Variants in NDST4 observed in about 807,000 individuals in gnomAD.
NDST4 encodes N-heparan sulfate sulfotransferase 4.
Under a neutral mutation model 100.8 loss-of-function variants are expected in NDST4, and 63 were observed. That is an observed-to-expected ratio of 0.62 (90% confidence interval 0.51 to 0.77). NDST4 has a LOEUF of 0.77. NDST4 is among the 30% of genes least tolerant of loss of function. The pLI is 0.00. For synonymous variants in NDST4, 377 were observed against 361.8 expected, an observed-to-expected ratio of 1.04 and a Z score of -0.48; for missense variants, 943 against 1,018.4, an observed-to-expected ratio of 0.93 and a Z score of 1.01.
At chr4:114,985,338 C>T (rs1726876276) in intron 2 of NDST4, among the ~76,000 whole-genome samples, 1 of 152,130 alleles carries the variant, frequency 6.6e-6, no homozygotes, top group South Asian at 2.1e-4. Context: ...TCTCTTTGGG[C>T]ACTCTTCCCT....
intron 8 of NDST4, among the ~76,000 whole-genome samples, 157 bp from the exon 9 acceptor site, chr4:114,848,495 A>C (rs1427474972): frequency 2.6e-5 from 4 of 152,252 alleles, no homozygotes. Context: ...ATGCAGCCAC[A>C]ATCTAAGTGT....
intron 2 of NDST4, among the ~76,000 whole-genome samples, chr4:115,020,146 G>A (rs554482890): frequency 2.6e-5 from 4 of 152,194 alleles, no homozygotes; most frequent in South Asian, 2.1e-4. Flanking sequence ...CAATTCTGGC[G>A]ATGGCTCAGA....
intron 2 of NDST4, among the ~76,000 whole-genome samples, chr4:114,979,291 A>C (rs1341970347): frequency 1.3e-5 from 2 of 151,362 alleles, no homozygotes; most frequent in East Asian, 4.0e-4. Flanking sequence ...AACTTGCATT[A>C]TTTTTGACTT....
chr4:114,831,403 G>A (rs781317850), intron 12 of NDST4, among the ~76,000 whole-genome samples: 2 of 152,144 alleles, frequency 1.3e-5, no homozygotes, highest in Admixed American at 6.5e-5. Context: ...CCTTTCTCCT[G>A]TTTTCATTAA....
At chr4:114,865,734 G>C (rs1724013854) in intron 7 of NDST4, among the ~76,000 whole-genome samples, 1 of 152,096 alleles carries the variant, frequency 6.6e-6, no homozygotes, top group African/African-American at 2.4e-5. Context: ...TGGTTTGTGT[G>C]GGGAATTTGA....
chr4:114,837,961 T>A (rs1307888944), intron 11 of NDST4, among the ~76,000 whole-genome samples: 5 of 152,086 alleles, frequency 3.3e-5, no homozygotes, highest in Non-Finnish European at 7.4e-5. Context: ...TACAAGGAAC[T>A]TAAACAAATT....
intron 6 of NDST4, among the ~76,000 whole-genome samples, chr4:114,893,393 C>T (rs962439744): frequency 5.9e-5 from 9 of 152,166 alleles, no homozygotes; most frequent in Admixed American, 5.9e-4. Context: ...TCTCCAAAGC[C>T]TTGCCAGTGT....
intron 6 of NDST4, among the ~76,000 whole-genome samples, chr4:114,933,253 G>A (rs1460762097): frequency 6.6e-6 from 1 of 151,966 alleles, no homozygotes. Flanking sequence ...CAGGTGTTGG[G>A]AAAACTGAAT....
chr4:114,985,419 G>C (rs1726877994), intron 2 of NDST4, among the ~76,000 whole-genome samples: 1 of 152,172 alleles, frequency 6.6e-6, no homozygotes, highest in Admixed American at 6.5e-5. Context: ...ACTCAGGATA[G>C]AGTGGAGAAT....
At chr4:114,932,985 T>C (rs1725545525) in intron 6 of NDST4, among the ~76,000 whole-genome samples, 1 of 152,122 alleles carries the variant, frequency 6.6e-6, no homozygotes, top group Admixed American at 6.5e-5. Context: ...AAAATTTCTA[T>C]GGATTCACAA....
At chr4:114,986,132 A>G (rs1726895819) in intron 2 of NDST4, among the ~76,000 whole-genome samples, 1 of 152,238 alleles carries the variant, frequency 6.6e-6, no homozygotes, top group Non-Finnish European at 1.5e-5. Context: ...CAAAGAGAAG[A>G]AAAAAATTAA....
At chr4:115,048,051 CTT>C (rs1390041272) in intron 2 of NDST4, among the ~76,000 whole-genome samples, 2 of 151,294 alleles carry the variant, frequency 1.3e-5, no homozygotes, top group African/African-American at 4.9e-5. Context: ...AAGAGACAAA[CTT>C]AATGACTGGG....
chr4:115,076,629 A>C lies in NDST4; in HGVS notation c.408T>G (p.Ile136Met), dbSNP rs546033271. 9.7e-5 allele frequency: 157 copies of C among 1,613,854 alleles called. 1 individual carries two copies. The East Asian group carries it at 3.5e-3, about 36-fold the overall frequency. ...GKYTLVIYEN[I>M]LKYVSMDSWN... ...ATGAGTCCATGCTGACATACTTCAG[A>C]ATATTTTCATAAATAACTAAAGTAT... The change falls in exon 2 of 14, where the codon ATT (isoleucine) becomes ATG (methionine). Residue 136 changes from isoleucine to methionine, a missense_variant. Ile to Met is a conservative substitution (Grantham distance 10). This residue lies in a region of NDST4 where 417 missense variants were observed against 384.2 expected (regional missense o/e 1.09). Coordinates refer to ENST00000264363, the MANE Select transcript of NDST4 (RefSeq NM_022569.3).
intron 2 of NDST4, among the ~76,000 whole-genome samples, chr4:115,045,742 TTA>T (rs1373543008): frequency 6.6e-6 from 1 of 152,150 alleles, no homozygotes; most frequent in Non-Finnish European, 1.5e-5. Flanking sequence ...TTATTTTATT[TTA>T]TATTTTTAGT....
intron 1 of NDST4, among the ~76,000 whole-genome samples, chr4:115,082,796 C>A (rs1729329073): frequency 6.6e-6 from 1 of 151,742 alleles, no homozygotes; most frequent in Non-Finnish European, 1.5e-5. Flanking sequence ...AGAGAAGAAA[C>A]AAAGATTAAG....
chr4:114,919,596 A>G (rs1181911020), intron 6 of NDST4, among the ~76,000 whole-genome samples: 1 of 152,224 alleles, frequency 6.6e-6, no homozygotes, highest in Admixed American at 6.5e-5. Flanking sequence ...AGTGAAGGTC[A>G]GAGTGGAACT....
chr4:114,840,817 T>C (rs1288754136), intron 10 of NDST4, among the ~76,000 whole-genome samples: 3 of 152,176 alleles, frequency 2.0e-5, no homozygotes, highest in Non-Finnish European at 4.4e-5. Flanking sequence ...ATGGATCTTA[T>C]GTGTGAGTTA....
Position 114,848,227 on chromosome 4 carries a change from T to C in NDST4, c.1928A>G (p.Lys643Arg). The C allele has an allele frequency of 3.7e-6, 6 of 1,606,740 alleles. No individual in the cohort carries two copies. The highest frequency in any genetic ancestry group is 5.1e-6 in the Non-Finnish European group (6 of 1,177,854). Reference protein sequence around the residue: ...VQFFNGNNYHKGIDWYMDFFP... With the variant: ...VQFFNGNNYHRGIDWYMDFFP... ...TTATTTTTCTTACCAGTCTATTCCT[T>C]TGTGATAGTTGTTGCCATTAAAGAA... The change falls in exon 9 of 14, where the codon AAA (lysine) becomes AGA (arginine). Residue 643 changes from lysine (K) to arginine (R), a missense_variant. By Grantham distance (26) the Lys-to-Arg change is conservative. This residue lies in a region of NDST4 where 526 missense variants were observed against 634.1 expected (regional missense o/e 0.83). Coordinates refer to ENST00000264363, the MANE Select transcript of NDST4 (RefSeq NM_022569.3).
At chr4:114,842,601 T>C (rs1723450023) in intron 10 of NDST4, 1 of 98,838 alleles carries the variant, frequency 1.0e-5, no homozygotes, top group South Asian at 2.1e-4. Context: ...GAAAACACGA[T>C]GAAAACCAGT....
Sources: allele counts gnomAD v4.1 joint callset (sites outside exome capture counted in the v4.1 genomes callset), GRCh38; gene constraint gnomAD v4.1.1; regional missense constraint gnomAD v4.1.1; transcripts MANE v1.5; gene names NCBI Gene and HGNC (gene_info 2026-07-23, HGNC 2026-07-21).